The following FLT1 variants were observed in gnomAD, a reference collection of about 807,000 sequenced individuals.
The protein encoded by FLT1 is fms related receptor tyrosine kinase 1, also known as vascular endothelial growth factor receptor 1.
In FLT1, 49 loss-of-function variants were observed where a neutral mutation model predicts 156.3. That is an observed-to-expected ratio of 0.31 (90% confidence interval 0.25 to 0.40). The LOEUF is 0.40. Ranked by LOEUF, FLT1 falls within the 10% of genes least tolerant of loss-of-function variation. The probability of loss-of-function intolerance (pLI) is 1.00; values close to 1 mark genes in which losing one functional copy is unlikely to be tolerated. For synonymous variants in FLT1, 594 were observed against 583.8 expected (o/e 1.02, Z -0.25); for missense variants, 1,322 against 1,637.2 (o/e 0.81, Z 3.32).
At chr13:28,405,924 G>T (rs2137493162) in intron 10 of FLT1, 30 bp from the exon 11 acceptor site, 1 of 1,172,578 alleles carries the variant, frequency 8.5e-7, no homozygotes, top group Non-Finnish European at 1.3e-6. Flanking sequence ...TCACAATGTG[G>T]CTTTACAGCA....
At chr13:28,387,709 T>A (rs1396070489) in intron 13 of FLT1, 3 of 1,057,778 alleles carry the variant, frequency 2.8e-6, no homozygotes, top group Non-Finnish European at 3.4e-6. Context: ...TCTCCTTTTT[T>A]TTTTCTCCCC....
chr13:28,332,721 T>A (rs1871978586), intron 18 of FLT1, among the ~76,000 whole-genome samples: 2 of 152,228 alleles, frequency 1.3e-5, no homozygotes, highest in South Asian at 4.1e-4. Context: ...CTTGGCCATG[T>A]TTCCTCATCT....
At chr13:28,419,410 T>C (rs1876849192) in intron 10 of FLT1, among the ~76,000 whole-genome samples, 1 of 152,232 alleles carries the variant, frequency 6.6e-6, no homozygotes, top group South Asian at 2.1e-4. Flanking sequence ...GTCAGGACAT[T>C]AGTTTCTAGA....
At chr13:28,303,807 G>A (rs528250893) in intron 29 of FLT1, among the ~76,000 whole-genome samples, 4 of 152,202 alleles carry the variant, frequency 2.6e-5, no homozygotes, top group Admixed American at 2.0e-4. Context: ...TCTCTTGTAA[G>A]TTGCCAAGTT....
At chr13:28,307,883 T>G (rs1870819211) in intron 28 of FLT1, among the ~76,000 whole-genome samples, 2 of 152,150 alleles carry the variant, frequency 1.3e-5, no homozygotes, top group Admixed American at 1.3e-4. Flanking sequence ...GCCATTCTCC[T>G]GCCTCAGCCT....
intron 13 of FLT1, chr13:28,388,466 A>C (rs1334112348): frequency 9.9e-7 from 1 of 1,015,046 alleles, no homozygotes; most frequent in African/African-American, 1.7e-5. Context: ...TTTTTTTTTT[A>C]AATAGTTTAT....
chr13:28,392,283 A>G (rs1409012816), intron 12 of FLT1, among the ~76,000 whole-genome samples: 1 of 152,240 alleles, frequency 6.6e-6, no homozygotes, highest in African/African-American at 2.4e-5. Flanking sequence ...AAATCTAAGA[A>G]TGTGCCAGAA....
chr13:28,414,926 A>C (rs1876557273), intron 10 of FLT1, among the ~76,000 whole-genome samples: 1 of 152,172 alleles, frequency 6.6e-6, no homozygotes, highest in Non-Finnish European at 1.5e-5. Context: ...CCTAAGCACT[A>C]TGTCACCACC....
intron 3 of FLT1, among the ~76,000 whole-genome samples, chr13:28,464,402 A>G (rs998737377): frequency 6.6e-6 from 1 of 152,240 alleles, no homozygotes; most frequent in African/African-American, 2.4e-5. Context: ...ACAATCCCAC[A>G]AGAGACATCA....
intron 12 of FLT1, among the ~76,000 whole-genome samples, chr13:28,394,262 T>C (rs1874909611): frequency 1.3e-5 from 2 of 152,348 alleles, no homozygotes; most frequent in South Asian, 2.1e-4. Context: ...CTTGGTTGAC[T>C]GGACTTGTGT....
chr13:28,459,887 C>T (rs1879468509), intron 3 of FLT1, among the ~76,000 whole-genome samples: 1 of 152,262 alleles, frequency 6.6e-6, no homozygotes. Context: ...AGCGTGAACA[C>T]CTTCTTTCGG....
chr13:28,327,691 G>T, intron 19 of FLT1, 141 bp from the exon 20 acceptor site: 1 of 662,596 alleles, frequency 1.5e-6, no homozygotes. Context: ...GGGATGAGAG[G>T]CCCATGAATA....
intron 1 of FLT1, among the ~76,000 whole-genome samples, chr13:28,481,635 G>T (rs1880859370): frequency 6.6e-6 from 1 of 152,238 alleles, no homozygotes; most frequent in African/African-American, 2.4e-5. Context: ...ATTCACAATT[G>T]CAAAGATGGG....
intron 16 of FLT1, 35 bp downstream of exon 16, chr13:28,345,410 T>TAA: frequency 7.5e-7 from 1 of 1,336,646 alleles, no homozygotes; most frequent in Non-Finnish European, 1.1e-6. Flanking sequence ...AGAATATATG[T>TAA]AAAAAGGAGC....
chr13:28,388,620 A>C (rs9551465), intron 13 of FLT1: 1 of 1,053,746 alleles, frequency 9.5e-7, no homozygotes, highest in Non-Finnish European at 1.1e-6. Context: ...TGTATTTTTT[A>C]AATTACTTTG....
intron 14 of FLT1, among the ~76,000 whole-genome samples, chr13:28,384,570 C>T (rs1359253637): frequency 6.6e-6 from 1 of 152,122 alleles, no homozygotes; most frequent in Non-Finnish European, 1.5e-5. Context: ...TAACTGCTCA[C>T]TTTCCCAGCC....
intron 20 of FLT1, among the ~76,000 whole-genome samples, chr13:28,324,701 G>T (rs140496744): frequency 6.6e-6 from 1 of 152,202 alleles, no homozygotes; most frequent in East Asian, 1.9e-4. Context: ...CAGAGAAAGC[G>T]CTGGCAATAG....
At chr13:28,445,985 T>G (rs9551473) in intron 3 of FLT1, among the ~76,000 whole-genome samples, 49,072 of 151,946 alleles carry the variant, frequency 0.32, 8,123 homozygotes, top group East Asian at 0.38. Flanking sequence ...TTTTCAGGAA[T>G]GCAAGATTGG....
intron 14 of FLT1, among the ~76,000 whole-genome samples, chr13:28,382,409 C>A (rs138206249): frequency 2.6e-5 from 4 of 152,210 alleles, no homozygotes; most frequent in Admixed American, 2.6e-4. Context: ...CTGAGCATAA[C>A]GTCGTAGGAG....
Sources: gnomAD v4.1 joint callset for allele counts (sites outside exome capture counted in the v4.1 genomes callset) on GRCh38, gnomAD v4.1.1 for gene constraint, MANE v1.5 for transcripts, NCBI Gene and HGNC (gene_info 2026-07-23, HGNC 2026-07-21) for gene names.